MMD2: variants seen among roughly 807,000 people sequenced by gnomAD.
The protein encoded by MMD2 is monocyte to macrophage differentiation factor 2.
Under a neutral mutation model 33.5 loss-of-function variants are expected in MMD2, and 30 were observed. That is an observed-to-expected ratio of 0.90 (90% CI 0.67 to 1.22). The LOEUF is 1.22. Among genes scored for constraint, MMD2 ranks in the 50% most tolerant of loss-of-function variants. MMD2 has a pLI of 0.00. For synonymous variants in MMD2, 129 were observed against 123.0 expected (o/e 1.05, Z -0.32); for missense variants, 364 against 325.4 (o/e 1.12, Z -0.91).
the MMD2 span, among the ~76,000 whole-genome samples, chr7:4,899,443 C>T: frequency 2.0e-5 from 3 of 151,136 alleles, no homozygotes; most frequent in Non-Finnish European, 4.4e-5. Context: ...GGCTGGAGTG[C>T]AGTACCATGA....
At chr7:4,914,088 C>T (rs1309142453) in intron 4 of MMD2, among the ~76,000 whole-genome samples, 7 of 152,170 alleles carry the variant, frequency 4.6e-5, no homozygotes, top group Non-Finnish European at 8.8e-5. Flanking sequence ...TGGGCTCAAG[C>T]GGTCCTCCTG....
rs1294820663 is a variant in MMD2 at position 4,940,584 on chromosome 7, C to A, written c.48-15052G>T. Among the ~76,000 whole-genome samples, 1 of 152,216 alleles carries A rather than the reference C, an allele frequency of 6.6e-6. No individual in the cohort carries two copies. Among genetic ancestry groups the A allele is most frequent in the African/African-American group, 2.4e-5 (1 of 41,456 alleles). On this transcript the variant is annotated intron_variant, in intron 1 of 6. Coordinates refer to ENST00000401401, the MANE Select transcript of MMD2 (RefSeq NM_198403.4). The surrounding 1 kb of genome is among the most constrained non-coding windows in gnomAD (Gnocchi z 5.0). ...CTCCCCCTCTCCGCTTGGCCCTGGC[C>A]GCTTCTTTGTGTCCATTCATGAATT...
At chr7:4,953,778 C>A (rs991223298) in intron 1 of MMD2, among the ~76,000 whole-genome samples, 1 of 152,132 alleles carries the variant, frequency 6.6e-6, no homozygotes, top group Non-Finnish European at 1.5e-5. Context: ...GCCTCAGTCT[C>A]ATTTTCATAA....
intron 4 of MMD2, among the ~76,000 whole-genome samples, chr7:4,912,382 C>T (rs1038450113): frequency 1.3e-5 from 2 of 151,730 alleles, no homozygotes; most frequent in Admixed American, 1.3e-4. Context: ...CATGGTGAAA[C>T]CCCGTCTCTA....
intron 1 of MMD2, among the ~76,000 whole-genome samples, chr7:4,954,309 T>A (rs914690533): frequency 6.6e-6 from 1 of 152,246 alleles, no homozygotes; most frequent in African/African-American, 2.4e-5. Context: ...TTATTCTCTA[T>A]ATATTTTGGA....
At chr7:4,902,500 G>A (rs888463307), downstream of MMD2, among the ~76,000 whole-genome samples, 11 of 152,160 alleles carry the variant, frequency 7.2e-5, no homozygotes, top group African/African-American at 2.4e-4. Context: ...CCCACGGGGG[G>A]AGTCTGTGTG....
At chr7:4,898,855 C>T in the MMD2 span, among the ~76,000 whole-genome samples, 3 of 151,994 alleles carry the variant, frequency 2.0e-5, no homozygotes, top group Admixed American at 6.6e-5. Flanking sequence ...GCCAAGATCA[C>T]ACTATCGCAC....
At chr7:4,912,012 G>T (rs1785026979) in intron 4 of MMD2, among the ~76,000 whole-genome samples, 1 of 151,892 alleles carries the variant, frequency 6.6e-6, no homozygotes, top group Non-Finnish European at 1.5e-5. Context: ...TGGGGTGGGA[G>T]GATCGCTTAA....
At chr7:4,904,961 A>G (rs545102268), downstream of MMD2, among the ~76,000 whole-genome samples, 2 of 152,350 alleles carry the variant, frequency 1.3e-5, no homozygotes, top group South Asian at 4.1e-4. Flanking sequence ...GAAGTTCCCC[A>G]GTGCTGATGC....
rs533340996 is a variant in MMD2, at chr7:4,942,346, C to T, written c.47+16625G>A. On this transcript the variant is annotated intron_variant, in intron 1 of 6. Transcript: ENST00000401401. ...AATACCTGGCCTCATGTGATTCTCCCGCCTTGGCCTCCCAAAGTGCTGGGA... is the reference window on the plus strand; with the variant it reads ...AATACCTGGCCTCATGTGATTCTCCTGCCTTGGCCTCCCAAAGTGCTGGGA... 4.9e-4 allele frequency among the ~76,000 whole-genome samples: 75 copies of T among 151,674 alleles called. 2 individuals are homozygous for T. In the South Asian group the frequency reaches 0.014, roughly 28 times the overall value.
intron 1 of MMD2, among the ~76,000 whole-genome samples, chr7:4,945,185 T>TTTCTTCTTCTTCTTCTTCCTCTTC (rs1786026498): frequency 1.1e-5 from 1 of 93,480 alleles, no homozygotes; most frequent in African/African-American, 4.0e-5. Context: ...CCTCTTCCTC[T>TTTCTTCTTCTTCTTCTTCCTCTTC]TTCTTCTTCT....
At chr7:4,897,892 C>G in the MMD2 span, among the ~76,000 whole-genome samples, 1 of 152,070 alleles carries the variant, frequency 6.6e-6, no homozygotes, top group South Asian at 2.1e-4. Flanking sequence ...TGCCCACCAC[C>G]ATGCCTGGCT....
Position 4,921,485 on chromosome 7 carries a change from G to A in MMD2, c.130-1154C>T, listed in dbSNP as rs192586117. ...AAATACAAAAAATTAGTCAGGCATG[G>A]TGGTGCGCACCTGTAATCCCAGCTA... On this transcript the variant is annotated intron_variant, in intron 2 of 6. Transcript: ENST00000401401. 1.7e-3 allele frequency among the ~76,000 whole-genome samples: 255 copies of A among 152,034 alleles called. 1 individual carries two copies. Among genetic ancestry groups the A allele is most frequent in the Middle Eastern group, 6.8e-3 (2 of 294 alleles).
chr7:4,956,920 C>A (rs1786396570), intron 1 of MMD2, among the ~76,000 whole-genome samples: 1 of 152,088 alleles, frequency 6.6e-6, no homozygotes, highest in African/African-American at 2.4e-5. Context: ...CAAGTGCCCA[C>A]TTTGGGAGGC....
downstream of MMD2, among the ~76,000 whole-genome samples, chr7:4,903,883 G>A (rs985941058): frequency 4.6e-5 from 7 of 152,138 alleles, no homozygotes; most frequent in Non-Finnish European, 1.0e-4. Flanking sequence ...CACGGCCCCA[G>A]GGATGGAAAG....
At chr7:4,943,780 C>T (rs968513173) in intron 1 of MMD2, among the ~76,000 whole-genome samples, 2 of 152,066 alleles carry the variant, frequency 1.3e-5, no homozygotes, top group African/African-American at 4.8e-5. Flanking sequence ...GAAGACAAAT[C>T]ACTGTTGTTG....
chr7:4,945,240 C>CTTCTTCTTCTTCTTCTTCTTCT (rs1491481447), intron 1 of MMD2, among the ~76,000 whole-genome samples: 269 of 16,584 alleles, frequency 0.016, 7 homozygotes, highest in Non-Finnish European at 0.023. Flanking sequence ...CTTCTTCTTC[C>CTTCTTCTTCTTCTTCTTCTTCT]TCTCTCTCTT....
At chr7:4,958,850 G>A (rs1173713098) in intron 1 of MMD2, 121 bp downstream of exon 1, 2 of 860,988 alleles carry the variant, frequency 2.3e-6, no homozygotes, top group African/African-American at 1.8e-5. Flanking sequence ...GGGGGTCAGG[G>A]GTCCGCCGAT....
intron 1 of MMD2, among the ~76,000 whole-genome samples, chr7:4,934,054 C>A (rs1785668887): frequency 6.6e-6 from 1 of 151,578 alleles, no homozygotes; most frequent in Non-Finnish European, 1.5e-5. Context: ...CTCAGCCTCC[C>A]AAGTAGCTGG....
Sources: gnomAD v4.1 joint callset for allele counts (sites outside exome capture counted in the v4.1 genomes callset) on GRCh38, gnomAD v4.1.1 for gene constraint, Gnocchi (gnomAD v3.1) non-coding constraint, MANE v1.5 for transcripts, NCBI Gene and HGNC (gene_info 2026-07-23, HGNC 2026-07-21) for gene names.